Variants in IL1RAPL1 observed in about 807,000 individuals in gnomAD.
IL1RAPL1 encodes the protein interleukin 1 receptor accessory protein like 1.
Under a neutral mutation model 48.4 loss-of-function variants are expected in IL1RAPL1, and 3 were observed. The observed-to-expected ratio is 0.06, with a 90% confidence interval of 0.03 to 0.16. IL1RAPL1 has a LOEUF of 0.16. IL1RAPL1 is among the 10% of genes least tolerant of loss of function. The pLI is 1.00. For synonymous variants in IL1RAPL1, 185 were observed against 187.7 expected, an observed-to-expected ratio of 0.99 and a Z score of 0.12; for missense variants, 349 against 530.6, an observed-to-expected ratio of 0.66 and a Z score of 3.36.
chrX:28,786,449 A>G (rs1195131582), intron 1 of IL1RAPL1, among the ~76,000 whole-genome samples: 1 of 111,514 alleles, frequency 9.0e-6, no homozygotes, highest in Non-Finnish European at 1.9e-5. Flanking sequence ...TGAACGACAG[A>G]GAGAGACTCT....
intron 6 of IL1RAPL1, among the ~76,000 whole-genome samples, chrX:29,756,227 T>G (rs1928609304): frequency 8.9e-6 from 1 of 111,970 alleles, no homozygotes; most frequent in Non-Finnish European, 1.9e-5. Context: ...TAATTATCTT[T>G]AATATATACA....
intron 2 of IL1RAPL1, among the ~76,000 whole-genome samples, chrX:29,106,196 G>A (rs1390900334): frequency 9.0e-6 from 1 of 111,229 alleles, no homozygotes; most frequent in East Asian, 2.8e-4. Context: ...GAAAATTTAG[G>A]GCATGTTCTC....
intron 5 of IL1RAPL1, among the ~76,000 whole-genome samples, chrX:29,506,438 T>TCTCCTCCTCCTCCTCCTC (rs562607187): frequency 1.1e-5 from 1 of 90,640 alleles, no homozygotes; most frequent in Non-Finnish European, 2.1e-5. Context: ...TCCTTCTCCT[T>TCTCCTCCTCCTCCTCCTC]CTCCTCCTCC....
chrX:29,469,663 G>C lies in IL1RAPL1; in HGVS notation c.703+70355G>C, dbSNP rs183886134. On this transcript the variant is annotated intron_variant, in intron 5 of 10. Transcript: ENST00000378993. ...ACTCAGAAAATACAGTGCAAATCCT[G>C]GTATAATATAATGGAACTACCAAGA... 1.3e-3 allele frequency among the ~76,000 whole-genome samples: 145 copies of C among 111,252 alleles called. 2 individuals carry two copies. The highest frequency in any genetic ancestry group is 4.5e-3 in the African/African-American group (138 of 30,642).
At chrX:29,769,403 A>G (rs1424764477) in intron 6 of IL1RAPL1, among the ~76,000 whole-genome samples, 1 of 72,332 alleles carries the variant, frequency 1.4e-5, no homozygotes, top group African/African-American at 5.8e-5. Context: ...TTGATGAGTC[A>G]TATTTTTGAG....
At chrX:29,052,153 T>C (rs921364405) in intron 2 of IL1RAPL1, among the ~76,000 whole-genome samples, 2 of 111,942 alleles carry the variant, frequency 1.8e-5, no homozygotes, top group Non-Finnish European at 3.8e-5. Context: ...AAATCAAACA[T>C]ATTTATCTTT....
intron 2 of IL1RAPL1, among the ~76,000 whole-genome samples, chrX:29,051,227 A>T (rs1240757600): frequency 8.9e-6 from 1 of 111,979 alleles, no homozygotes; most frequent in African/African-American, 3.2e-5. Flanking sequence ...AAGAATATTG[A>T]GGGAAAATAA....
chrX:28,732,846 C>A (rs1182949549), intron 1 of IL1RAPL1, among the ~76,000 whole-genome samples: 1 of 111,216 alleles, frequency 9.0e-6, no homozygotes, highest in African/African-American at 3.3e-5. Flanking sequence ...TCCAGCCTGG[C>A]AACAAAGTGA....
intron 2 of IL1RAPL1, among the ~76,000 whole-genome samples, chrX:29,056,382 A>AT (rs1214485431): frequency 9.0e-6 from 1 of 111,599 alleles, no homozygotes; most frequent in African/African-American, 3.3e-5. Context: ...GGGCATTGTC[A>AT]TATGCATTCT....
At chrX:29,236,545 CTTTTTTTTT>C (rs754996544) in intron 2 of IL1RAPL1, among the ~76,000 whole-genome samples, 3 of 63,199 alleles carry the variant, frequency 4.7e-5, no homozygotes, top group African/African-American at 1.3e-4. Context: ...CTTTTTTTTT[CTTTTTTTTT>C]TTTTTTTTTT....
At chrX:28,917,778 T>C (rs1040748047) in intron 2 of IL1RAPL1, among the ~76,000 whole-genome samples, 28 of 112,448 alleles carry the variant, frequency 2.5e-4, no homozygotes, top group Non-Finnish European at 2.6e-4. Flanking sequence ...ATACGTAACA[T>C]TTACTGCTTT....
chrX:28,714,767 A>C (rs1169091278), intron 1 of IL1RAPL1, among the ~76,000 whole-genome samples: 1 of 112,298 alleles, frequency 8.9e-6, no homozygotes, highest in Non-Finnish European at 1.9e-5. Flanking sequence ...GTGACAAGTT[A>C]TTAGTGGTAT....
intron 6 of IL1RAPL1, among the ~76,000 whole-genome samples, chrX:29,897,127 G>A (rs991157199): frequency 8.0e-5 from 9 of 112,276 alleles, no homozygotes; most frequent in African/African-American, 2.9e-4. Context: ...GTAGATAAGT[G>A]AAGGAAGTTA....
intron 1 of IL1RAPL1, chrX:28,659,225 A>G: frequency 1.3e-6 from 1 of 742,379 alleles, no homozygotes; most frequent in Non-Finnish European, 2.1e-6. Context: ...CTGGAAGCGC[A>G]GATCTGTTTT....
intron 6 of IL1RAPL1, among the ~76,000 whole-genome samples, chrX:29,850,096 A>T (rs1281068450): frequency 8.9e-6 from 1 of 111,889 alleles, no homozygotes; most frequent in Non-Finnish European, 1.9e-5. Context: ...CTTCTTTGGC[A>T]TTTAAGGGCA....
chrX:29,603,719 T>C (rs1389580675), intron 5 of IL1RAPL1, among the ~76,000 whole-genome samples: 1 of 112,199 alleles, frequency 8.9e-6, no homozygotes, highest in African/African-American at 3.2e-5. Flanking sequence ...TCCTGTTTGG[T>C]GACCACATCA....
At chrX:28,803,723 T>G (rs1216707231) in intron 2 of IL1RAPL1, among the ~76,000 whole-genome samples, 2 of 111,903 alleles carry the variant, frequency 1.8e-5, no homozygotes, top group East Asian at 5.6e-4. Context: ...TTTTAGGATT[T>G]TATGCATGGA....
chrX:28,907,584 T>C (rs1923251469), intron 2 of IL1RAPL1, among the ~76,000 whole-genome samples: 1 of 112,975 alleles, frequency 8.9e-6, no homozygotes, highest in Non-Finnish European at 1.9e-5. Flanking sequence ...CGAACCAGCA[T>C]TGCATACCTG....
intron 5 of IL1RAPL1, among the ~76,000 whole-genome samples, chrX:29,598,974 G>A: frequency 8.9e-6 from 1 of 112,070 alleles, no homozygotes. Flanking sequence ...TTGGTGAATT[G>A]TTTTCCATTC....
Sources: gnomAD v4.1 joint callset for allele counts (sites outside exome capture counted in the v4.1 genomes callset) on GRCh38, gnomAD v4.1.1 for gene constraint, MANE v1.5 for transcripts, NCBI Gene and HGNC (gene_info 2026-07-23, HGNC 2026-07-21) for gene names.